ARHGAP32: variants seen among roughly 807,000 people sequenced by gnomAD.
ARHGAP32 encodes Rho GTPase activating protein 32.
Under a neutral mutation model 186.5 loss-of-function variants are expected in ARHGAP32, and 51 were observed. The ratio of observed to expected loss-of-function variants is 0.27; its 90% CI spans 0.22 to 0.35. The LOEUF (loss-of-function observed/expected upper bound fraction) is 0.35. Among genes scored for constraint, ARHGAP32 ranks in the 10% least tolerant of loss-of-function variants. The pLI, the probability that ARHGAP32 is intolerant of heterozygous loss-of-function variation, is 1.00. For missense variants in ARHGAP32, 2,186 were observed against 2,623.5 expected (o/e 0.83, Z 3.64); for synonymous variants, 950 against 964.3 (o/e 0.99, Z 0.27).
chr11:128,975,491 T>TA (rs1304526913), intron 20 of ARHGAP32, among the ~76,000 whole-genome samples: 2 of 152,144 alleles, frequency 1.3e-5, no homozygotes, highest in East Asian at 1.9e-4. Context: ...ACTTCTCAAT[T>TA]AAAAAATCTT....
At chr11:129,057,324 C>G (rs1400766234) in intron 10 of ARHGAP32, among the ~76,000 whole-genome samples, 3 of 152,076 alleles carry the variant, frequency 2.0e-5, no homozygotes, top group African/African-American at 7.2e-5. Flanking sequence ...CATGTCCTGC[C>G]TGCCTTGAGC....
At chr11:129,119,783 C>A (rs980041685) in intron 5 of ARHGAP32, among the ~76,000 whole-genome samples, 1 of 151,964 alleles carries the variant, frequency 6.6e-6, no homozygotes, top group African/African-American at 2.4e-5. Flanking sequence ...AGGTGTGTGG[C>A]TGTCCTAGAG....
At chr11:129,228,655 G>A (rs1039933759) in intron 1 of ARHGAP32, among the ~76,000 whole-genome samples, 1 of 152,080 alleles carries the variant, frequency 6.6e-6, no homozygotes, top group African/African-American at 2.4e-5. Context: ...GGAGCTGAAT[G>A]ATGACAACAC....
At chr11:129,239,603 G>A (rs1386968967) in intron 1 of ARHGAP32, among the ~76,000 whole-genome samples, 5 of 152,060 alleles carry the variant, frequency 3.3e-5, no homozygotes, top group East Asian at 3.9e-4. Context: ...AAGCACTTTC[G>A]ACACCCATAA....
chr11:129,192,132 T>C lies in ARHGAP32; in HGVS notation c.67A>G (p.Ile23Val). The C allele has an allele frequency of 6.2e-7, 1 of 1,613,908 alleles. No individual in the cohort carries two copies. Among genetic ancestry groups the C allele is most frequent in the Non-Finnish European group, 8.5e-7 (1 of 1,179,848 alleles). The change falls in exon 1 of 23, where the codon ATA (isoleucine) becomes GTA (valine). Residue 23 changes from isoleucine (I) to valine (V), a missense_variant. Physicochemically the swap from Ile to Val is conservative, Grantham distance 29. Around this residue, in one of 5 missense-constraint regions of ARHGAP32, gnomAD observed 108 missense variants for 116.8 expected, o/e 0.92. Coordinates refer to ENST00000682385, the MANE Select transcript of ARHGAP32 (RefSeq NM_001378024.1). ...TCTTCACAGTCAGTCACCTGGATTATAACTTCAGACTCCAACCAGAAGACA... is the reference window on the plus strand; with the variant it reads ...TCTTCACAGTCAGTCACCTGGATTACAACTTCAGACTCCAACCAGAAGACA... ...DSVFWLESEV[I>V]IQVTDCEEEE... is the part of the protein sequence containing the mutation.
intron 6 of ARHGAP32, among the ~76,000 whole-genome samples, chr11:129,078,502 A>G (rs1252006980): frequency 6.6e-6 from 1 of 152,164 alleles, no homozygotes; most frequent in East Asian, 1.9e-4. Flanking sequence ...ATTATTTATT[A>G]ATTTTTTTGA....
chr11:129,000,621 AG>A (rs1366598728), intron 11 of ARHGAP32, among the ~76,000 whole-genome samples: 1 of 152,200 alleles, frequency 6.6e-6, no homozygotes, highest in Non-Finnish European at 1.5e-5. Context: ...TGTTGCAAAA[AG>A]TCCAATTATA....
chr11:129,100,116 G>A (rs1385261639), intron 5 of ARHGAP32, among the ~76,000 whole-genome samples: 1 of 152,362 alleles, frequency 6.6e-6, no homozygotes, highest in East Asian at 1.9e-4. Flanking sequence ...GGTAGGGGCA[G>A]CAATCCAGTT....
intron 5 of ARHGAP32, among the ~76,000 whole-genome samples, chr11:129,118,499 C>G (rs908476041): frequency 2.6e-5 from 4 of 151,694 alleles, no homozygotes; most frequent in Non-Finnish European, 4.4e-5. Context: ...CAACTTATAA[C>G]CCATGAATTT....
At position 129,213,201 on chromosome 11, in the gene ARHGAP32, C is replaced by A. The variant is rs556298979; in HGVS notation, c.-4-48774G>T. 1.9e-3 allele frequency among the ~76,000 whole-genome samples: 291 copies of A among 152,214 alleles called. 4 individuals are homozygous for A. The highest frequency in any genetic ancestry group is 6.8e-3 in the African/African-American group (282 of 41,542). On this transcript the variant is annotated intron_variant, in intron 1 of 6. Transcript: ENST00000525234. ...TTAAATGATATAAACTAAGATACAG[C>A]GTAATCAAGAGATGTCCCCAAGTCA...
chr11:129,005,049 G>A (rs1937688820), intron 11 of ARHGAP32, among the ~76,000 whole-genome samples: 1 of 151,760 alleles, frequency 6.6e-6, no homozygotes, highest in South Asian at 2.1e-4. Flanking sequence ...GTATATTTTT[G>A]GATTTGAGTT....
At chr11:129,137,989 C>T (rs1942970642) in intron 2 of ARHGAP32, among the ~76,000 whole-genome samples, 1 of 152,012 alleles carries the variant, frequency 6.6e-6, no homozygotes, top group Middle Eastern at 3.4e-3. Context: ...CTTTTCTTAA[C>T]ATTTTAATAA....
At chr11:129,146,470 C>T (rs996834664) in intron 2 of ARHGAP32, among the ~76,000 whole-genome samples, 1 of 152,136 alleles carries the variant, frequency 6.6e-6, no homozygotes, top group African/African-American at 2.4e-5. Flanking sequence ...GTTCAGTACT[C>T]TCCGTGGTTT....
chr11:129,031,003 CT>C (rs1939089299), intron 11 of ARHGAP32, among the ~76,000 whole-genome samples: 1 of 152,208 alleles, frequency 6.6e-6, no homozygotes, highest in Non-Finnish European at 1.5e-5. Flanking sequence ...TCCCTGAGGC[CT>C]TTCTAGAAGC....
At chr11:129,187,657 C>T (rs2439794) in intron 1 of ARHGAP32, among the ~76,000 whole-genome samples, 19,772 of 151,764 alleles carry the variant, frequency 0.13, 1,421 homozygotes, top group Non-Finnish European at 0.16. Context: ...TCTCATGTAC[C>T]CCATAAAAAT....
At chr11:129,031,391 A>G (rs1939107997) in intron 11 of ARHGAP32, among the ~76,000 whole-genome samples, 1 of 152,172 alleles carries the variant, frequency 6.6e-6, no homozygotes, top group South Asian at 2.1e-4. Context: ...AAATGTGTAT[A>G]CCCAGACAAT....
intron 12 of ARHGAP32, among the ~76,000 whole-genome samples, chr11:128,995,766 G>A (rs930301356): frequency 6.6e-5 from 10 of 152,238 alleles, no homozygotes; most frequent in Admixed American, 6.5e-5. Flanking sequence ...TTGAGCCCAG[G>A]AGGCAGAGGT....
chr11:129,156,631 G>T (rs780601220), intron 2 of ARHGAP32, among the ~76,000 whole-genome samples: 2 of 152,184 alleles, frequency 1.3e-5, no homozygotes, highest in Non-Finnish European at 2.9e-5. Context: ...CCTGTGAGAA[G>T]GTGGGGCTGT....
At chr11:129,098,425 CT>C (rs530331028) in intron 5 of ARHGAP32, among the ~76,000 whole-genome samples, 50 of 145,632 alleles carry the variant, frequency 3.4e-4, no homozygotes, top group South Asian at 4.3e-4. Flanking sequence ...TTTCTTTTTT[CT>C]TTTTTTTTTT....
Sources: allele counts gnomAD v4.1 joint callset (sites outside exome capture counted in the v4.1 genomes callset), GRCh38; gene constraint gnomAD v4.1.1; regional missense constraint gnomAD v4.1.1; transcripts MANE v1.5; gene names NCBI Gene and HGNC (gene_info 2026-07-23, HGNC 2026-07-21).